Variants in DCC observed in about 807,000 individuals in gnomAD.
DCC encodes the protein DCC netrin 1 receptor.
DCC carries 58 observed loss-of-function variants against 172.5 expected under a neutral mutation model. The ratio of observed to expected loss-of-function variants is 0.34; its 90% CI spans 0.27 to 0.42. DCC has a LOEUF of 0.42. Among genes scored for constraint, DCC ranks in the 10% least tolerant of loss-of-function variants. The probability of loss-of-function intolerance (pLI) is 1.00; values close to 1 mark genes in which losing one functional copy is unlikely to be tolerated. For missense variants in DCC, 1,740 were observed against 1,791.0 expected (o/e 0.97, Z 0.51); for synonymous variants, 709 against 644.5 (o/e 1.10, Z -1.52).
intron 1 of DCC, among the ~76,000 whole-genome samples, chr18:52,719,013 AT>A (rs2036432874): frequency 6.6e-6 from 1 of 152,096 alleles, no homozygotes; most frequent in Non-Finnish European, 1.5e-5. Flanking sequence ...TCAGGGAAGA[AT>A]CCCTCCTTGT....
chr18:52,855,834 C>T (rs1052987127), intron 2 of DCC, among the ~76,000 whole-genome samples: 21 of 131,616 alleles, frequency 1.6e-4, no homozygotes, highest in Admixed American at 7.7e-4. Context: ...GGTGCGATTT[C>T]GGCTCACTGC....
chr18:52,498,336 G>A (rs2144620622), intron 1 of DCC, among the ~76,000 whole-genome samples: 1 of 152,208 alleles, frequency 6.6e-6, no homozygotes, highest in East Asian at 1.9e-4. Flanking sequence ...TAAAATGATG[G>A]ATACTGGCCA....
intron 8 of DCC, among the ~76,000 whole-genome samples, chr18:53,175,414 A>T (rs375751852): frequency 2.0e-5 from 3 of 152,124 alleles, no homozygotes; most frequent in Non-Finnish European, 2.9e-5. Context: ...ACATGATTGT[A>T]TATCTAGAAA....
At chr18:52,745,804 T>C (rs1347102708) in intron 1 of DCC, among the ~76,000 whole-genome samples, 1 of 152,192 alleles carries the variant, frequency 6.6e-6, no homozygotes, top group East Asian at 1.9e-4. Context: ...TCCCTACCCT[T>C]CCCAGCCTCT....
intron 1 of DCC, among the ~76,000 whole-genome samples, chr18:52,551,755 C>CACACACACAT (rs2032777220): frequency 6.8e-6 from 1 of 147,644 alleles, no homozygotes; most frequent in Non-Finnish European, 1.5e-5. Context: ...CACACACACA[C>CACACACACAT]ACACACACAC....
intron 1 of DCC, among the ~76,000 whole-genome samples, chr18:52,570,279 G>A (rs1286462568): frequency 6.6e-6 from 1 of 152,100 alleles, no homozygotes; most frequent in Non-Finnish European, 1.5e-5. Flanking sequence ...ACATTAAATG[G>A]CACTTAAATC....
intron 21 of DCC, among the ~76,000 whole-genome samples, chr18:53,432,742 TTATTA>T (rs1482136617): frequency 3.5e-5 from 2 of 57,798 alleles, no homozygotes; most frequent in African/African-American, 1.2e-4. Context: ...TCTTTTATCA[TTATTA>T]TTATTATTAT....
At chr18:52,870,001 C>T (rs1170097237) in intron 2 of DCC, among the ~76,000 whole-genome samples, 1 of 151,960 alleles carries the variant, frequency 6.6e-6, no homozygotes, top group Non-Finnish European at 1.5e-5. Flanking sequence ...GGCTCCAGGT[C>T]CTCACTGGGC....
intron 1 of DCC, among the ~76,000 whole-genome samples, chr18:52,560,428 C>G (rs1260004292): frequency 6.6e-6 from 1 of 152,212 alleles, no homozygotes. Flanking sequence ...TGCCCTGGGG[C>G]CATAGTGTGC....
chr18:52,556,196 C>A (rs991510257), intron 1 of DCC, among the ~76,000 whole-genome samples: 1 of 152,082 alleles, frequency 6.6e-6, no homozygotes, highest in African/African-American at 2.4e-5. Flanking sequence ...TATTCAATTC[C>A]TGTTGCTGAG....
intron 5 of DCC, among the ~76,000 whole-genome samples, chr18:53,019,888 C>T (rs749326137): frequency 1.2e-4 from 18 of 152,100 alleles, no homozygotes; most frequent in Non-Finnish European, 2.1e-4. Flanking sequence ...CCTTCATTGA[C>T]TCCTGGATGT....
intron 2 of DCC, among the ~76,000 whole-genome samples, chr18:52,781,070 A>T (rs9950558): frequency 6.6e-6 from 1 of 152,098 alleles, no homozygotes; most frequent in African/African-American, 2.4e-5. Context: ...GAAAGTGTCT[A>T]TTTTTATGTT....
chr18:52,827,741 C>T (rs2038537757), intron 2 of DCC, among the ~76,000 whole-genome samples: 1 of 152,136 alleles, frequency 6.6e-6, no homozygotes, highest in African/African-American at 2.4e-5. Flanking sequence ...AAAAATATTT[C>T]TAGTTCATTT....
chr18:52,650,946 A>G (rs964983167), intron 1 of DCC, among the ~76,000 whole-genome samples: 3 of 152,242 alleles, frequency 2.0e-5, no homozygotes. Flanking sequence ...AGAAGTACAA[A>G]GAACAATGTA....
intron 1 of DCC, among the ~76,000 whole-genome samples, chr18:52,594,436 C>T (rs2033866261): frequency 2.0e-5 from 3 of 152,128 alleles, no homozygotes; most frequent in Non-Finnish European, 4.4e-5. Flanking sequence ...TATTAGTGAC[C>T]TGCTGACTTT....
At chr18:52,492,978 C>T (rs1288932867) in intron 1 of DCC, among the ~76,000 whole-genome samples, 3 of 152,082 alleles carry the variant, frequency 2.0e-5, no homozygotes, top group Non-Finnish European at 4.4e-5. Context: ...GACATAGGCT[C>T]ATTTGCTGCC....
At chr18:53,481,869 T>G (rs552365592) in intron 25 of DCC, among the ~76,000 whole-genome samples, 1 of 152,282 alleles carries the variant, frequency 6.6e-6, no homozygotes, top group South Asian at 2.1e-4. Context: ...AATTTCTACT[T>G]GAAAAATTTT....
intron 15 of DCC, among the ~76,000 whole-genome samples, chr18:53,362,128 C>G (rs1365002575): frequency 2.6e-5 from 4 of 152,116 alleles, no homozygotes; most frequent in Non-Finnish European, 5.9e-5. Flanking sequence ...TCTATTTTCT[C>G]AAGTCTCTTA....
At chr18:52,821,813 T>G (rs1363601762) in intron 2 of DCC, among the ~76,000 whole-genome samples, 2 of 152,230 alleles carry the variant, frequency 1.3e-5, no homozygotes, top group Non-Finnish European at 2.9e-5. Context: ...TTGTATCTTG[T>G]TTTGTATTCC....
Sources: gnomAD v4.1 joint callset for allele counts (sites outside exome capture counted in the v4.1 genomes callset) on GRCh38, gnomAD v4.1.1 for gene constraint, MANE v1.5 for transcripts, NCBI Gene and HGNC (gene_info 2026-07-23, HGNC 2026-07-21) for gene names.